Variants in GGT5 observed in about 807,000 individuals in gnomAD.
The protein encoded by GGT5 is gamma-glutamyltransferase 5, also known as glutathione hydrolase 5 proenzyme.
Under a neutral mutation model 58.1 loss-of-function variants are expected in GGT5, and 50 were observed. The observed-to-expected ratio is 0.86, with a 90% CI of 0.69 to 1.09. The LOEUF (loss-of-function observed/expected upper bound fraction) is 1.09, where lower values mean the gene tolerates loss of function less well. GGT5 is among the 50% of genes least tolerant of loss of function. The pLI is 0.00. For synonymous variants in GGT5, 370 were observed against 346.1 expected, an observed-to-expected ratio of 1.07 and a Z score of -0.77; for missense variants, 800 against 789.4, an observed-to-expected ratio of 1.01 and a Z score of -0.16.
At chr22:24,240,326 G>A (rs1341649610) in intron 1 of GGT5, among the ~76,000 whole-genome samples, 1 of 152,026 alleles carries the variant, frequency 6.6e-6, no homozygotes, top group African/African-American at 2.4e-5. Context: ...AGTTGGTGGT[G>A]GGTTTCAACC....
Position 24,233,413 on chromosome 22 carries a change from G to A in GGT5, c.400+85C>T, listed in dbSNP as rs1354739502. 5.3e-6 allele frequency: 4 copies of A among 753,674 alleles called. No individual in the cohort carries two copies. In the South Asian group the frequency reaches 5.4e-5, roughly 10 times the overall value. 46.7% of individuals were successfully genotyped at this position (753,674 alleles called of 1,614,324 possible). A position where few individuals can be genotyped will look rare whatever the true frequency, so the allele number is the denominator to read the frequency against. ...CGTGCCAGGGAGTCACAGCCTGTCCGTGAGGCGCTGCTCCTTTGCGGGGGT... is the reference window on the plus strand; with the variant it reads ...CGTGCCAGGGAGTCACAGCCTGTCCATGAGGCGCTGCTCCTTTGCGGGGGT... On this transcript the variant is annotated intron_variant, in intron 3 of 11. Transcript: ENST00000327365.
chr22:24,222,753 TG>T (rs1262683589), intron 11 of GGT5, among the ~76,000 whole-genome samples: 2 of 152,210 alleles, frequency 1.3e-5, no homozygotes, highest in African/African-American at 4.8e-5. Flanking sequence ...TGAGAATTGA[TG>T]TTCACAAAGA....
At chr22:24,238,503 T>C (rs5760271) in intron 1 of GGT5, among the ~76,000 whole-genome samples, 78,834 of 145,354 alleles carry the variant, frequency 0.54, 21,758 homozygotes, top group African/African-American at 0.64. Flanking sequence ...CCATTGCACT[T>C]CAGCCTGGGC....
intron 5 of GGT5, 38 bp downstream of exon 5, chr22:24,232,013 C>A: frequency 6.3e-7 from 1 of 1,584,040 alleles, no homozygotes; most frequent in Non-Finnish European, 8.7e-7. Context: ...GGCTCTTCCT[C>A]CAGCAGGGAT....
In GGT5 at chr22:24,232,273, T is replaced by A. The variant is rs1315746354; in HGVS notation, c.597-65A>T. On this transcript the variant is annotated intron_variant, in intron 4 of 11. Coordinates refer to ENST00000327365, the MANE Select transcript of GGT5 (RefSeq NM_004121.5). ...AGAGGCAGCCACACTCTTCCGGGGCTCTCATGGGTGGAGTCCTCAGGACCC... is the reference window on the plus strand; with the variant it reads ...AGAGGCAGCCACACTCTTCCGGGGCACTCATGGGTGGAGTCCTCAGGACCC... 4 of 980,456 alleles carry A rather than the reference T, an allele frequency of 4.1e-6. No homozygotes were observed. In the African/African-American group the frequency reaches 6.6e-5, roughly 16 times the overall value. The allele number at this position is 980,456 out of a possible 1,614,324, so 60.7% of individuals were successfully genotyped here.
intron 7 of GGT5, 134 bp from the exon 8 acceptor site, chr22:24,226,400 G>A (rs1288197013): frequency 1.3e-6 from 1 of 779,332 alleles, no homozygotes; most frequent in Non-Finnish European, 2.0e-6. Context: ...TCTCCCTCAA[G>A]CCCAGCTAGG....
chr22:24,226,638 T>C lies in GGT5; in HGVS notation c.1031A>G (p.Lys344Arg). ...CAACCTCAGCAACCTCACCTGGAGC[T>C]TCGGGTGGCTTCGAGGGTCCCCCAG... is the stretch of plus-strand genomic sequence containing the variant. The part of the protein sequence containing the change: ...WRLGDPRSHP[K>R]LQNASRDLLG... Residue 344 changes from lysine to arginine, a missense_variant, in exon 7 of 12, where the codon AAG becomes AGG. Transcript: ENST00000327365. 1 of 1,614,044 alleles carries C rather than the reference T, an allele frequency of 6.2e-7. No homozygotes were observed. Among genetic ancestry groups the C allele is most frequent in the Non-Finnish European group, 8.5e-7 (1 of 1,179,954 alleles).
In GGT5 at chr22:24,225,990, G is replaced by GGC. The variant is rs1177477569; in HGVS notation, c.1229+85_1229+86insGC. 3.4e-5 allele frequency: 33 copies of GGC among 960,492 alleles called. No individual in the cohort carries two copies. In the African/African-American group the frequency reaches 4.5e-4, roughly 13 times the overall value. 59.5% of individuals were successfully genotyped at this position (960,492 alleles called of 1,614,324 possible). ...CAAAAGCAAGGTGCTGCCCCGTGGG[G>GGC]ACAAGTGAGGGGACATGGGGCTGGG... On this transcript the variant is annotated intron_variant, in intron 8 of 11. Coordinates refer to ENST00000327365, the MANE Select transcript of GGT5 (RefSeq NM_004121.5).
rs1301031873 is a variant in GGT5 at position 24,244,662 on chromosome 22, C to T, written c.64G>A (p.Val22Ile). The T allele has an allele frequency of 2.5e-6, 4 of 1,612,814 alleles. No individual in the cohort carries two copies. In the South Asian group the frequency reaches 4.4e-5, roughly 18 times the overall value. ...VLLGLGLALA[V>I]IVLAVVLSRH... ...GAGAGGACCACAGCCAGCACAATGA[C>T]AGCCAGCGCCAGCCCCAGACCCAGC... Residue 22 changes from valine (V) to isoleucine (I), a missense_variant, in exon 1 of 12, where the codon GTC (valine) becomes ATC (isoleucine). Val to Ile is a conservative substitution (Grantham distance 29, BLOSUM62 3). Transcript: ENST00000327365.
At position 24,231,517 on chromosome 22, in the gene GGT5, C is replaced by T. The variant is rs759432720; in HGVS notation, c.768G>A (p.Thr256=). ...EDIAKEGSQL[T]LQDLAKFQPE... The stretch of plus-strand genomic sequence containing the variant: ...GCTGGAACTTGGCCAGGTCCTGCAG[C>T]GTCAGCTGGCTCCCTGGGATGAGAA... The change falls in exon 6 of 12, where the codon ACG becomes ACA. Residue 256 remains threonine (T), a synonymous_variant. Coordinates refer to ENST00000327365, the MANE Select transcript of GGT5 (RefSeq NM_004121.5). 5.0e-6 allele frequency: 8 copies of T among 1,590,564 alleles called. No homozygotes were observed. The highest frequency in any genetic ancestry group is 2.3e-5 in the East Asian group (1 of 43,542).
intron 1 of GGT5, chr22:24,244,320 C>CAG: frequency 1.9e-6 from 1 of 539,226 alleles, no homozygotes; most frequent in Admixed American, 3.2e-5. Flanking sequence ...CACACACCCA[C>CAG]CCACACATAC....
At chr22:24,220,607 T>TA (rs2047561446) in intron 11 of GGT5, 6 of 438,352 alleles carry the variant, frequency 1.4e-5, no homozygotes, top group Admixed American at 4.9e-5. Context: ...AAATAAGAAA[T>TA]AAAAAAAAGC....
chr22:24,234,501 T>G (rs543819043), intron 1 of GGT5, among the ~76,000 whole-genome samples: 1 of 152,250 alleles, frequency 6.6e-6, no homozygotes, highest in South Asian at 2.1e-4. Context: ...CCAAAACTTC[T>G]CTTGGGACTC....
At chr22:24,241,560 A>G (rs1276537586) in intron 1 of GGT5, 10 of 152,192 alleles carry the variant, frequency 6.6e-5, no homozygotes, top group Admixed American at 5.2e-4. Flanking sequence ...CCTAAAGTCA[A>G]CTGACTGTCA....
intron 6 of GGT5, among the ~76,000 whole-genome samples, chr22:24,228,085 A>AT: frequency 6.8e-6 from 1 of 146,688 alleles, no homozygotes; most frequent in South Asian, 2.2e-4. Context: ...AAAAAAAAAA[A>AT]CTCTGAAAAA....
intron 11 of GGT5, among the ~76,000 whole-genome samples, chr22:24,224,315 G>C (rs1367666684): frequency 6.6e-6 from 1 of 151,914 alleles, no homozygotes; most frequent in Non-Finnish European, 1.5e-5. Context: ...TTCAAGACCA[G>C]CCTAGGCAAC....
intron 4 of GGT5, 125 bp downstream of exon 4, chr22:24,232,698 T>C (rs2047980661): frequency 6.8e-6 from 4 of 592,356 alleles, no homozygotes; most frequent in Non-Finnish European, 8.2e-6. Flanking sequence ...CTCTTTGTCC[T>C]GGCCAGCACC....
At chr22:24,229,850 C>CA (rs896565154) in intron 6 of GGT5, among the ~76,000 whole-genome samples, 134 of 110,442 alleles carry the variant, frequency 1.2e-3, no homozygotes, top group South Asian at 0.01. Flanking sequence ...GATTCCATCT[C>CA]AAAAAAAAAA....
chr22:24,225,409 TCA>T lies in GGT5; in HGVS notation c.1337_1338del (p.Val446GlufsTer66), dbSNP rs2148892142. 6.2e-7 allele frequency: 1 copy of T among 1,606,006 alleles called. No individual in the cohort carries two copies. Among genetic ancestry groups the T allele is most frequent in the East Asian group, 2.2e-5 (1 of 44,772 alleles). On this transcript the variant is annotated frameshift_variant and splice_region_variant, in exon 10 of 12. Coordinates refer to ENST00000327365, the MANE Select transcript of GGT5 (RefSeq NM_004121.5). LOFTEE classifies it high-confidence loss of function. ...PRGSGTTPSP[V>X]SGDRVGGAPG... ...GGAGCTCCACCCACCCTGTCTCCAC[TCA>T]CTGCTGAGCAAACAGCGTCTTGGCA...
Sources: gnomAD v4.1 joint callset for allele counts (sites outside exome capture counted in the v4.1 genomes callset) on GRCh38, gnomAD v4.1.1 for gene constraint, MANE v1.5 for transcripts, NCBI Gene and HGNC (gene_info 2026-07-23, HGNC 2026-07-21) for gene names.